The following GBP1 variants were observed in gnomAD, a reference collection of about 807,000 sequenced individuals.
GBP1 encodes guanylate binding protein 1.
A neutral mutation model predicts 69.5 loss-of-function variants in GBP1; 64 were observed. The observed-to-expected ratio is 0.92, with a 90% confidence interval of 0.75 to 1.13. The LOEUF is 1.13. GBP1 is among the 50% of genes most tolerant of loss of function. The pLI is 0.00. For synonymous variants in GBP1, 250 were observed against 261.2 expected, an observed-to-expected ratio of 0.96 and a Z score of 0.41; for missense variants, 630 against 704.1, an observed-to-expected ratio of 0.89 and a Z score of 1.19.
At chr1:89,059,183 T>C (rs1680118846) in intron 4 of GBP1, 134 bp downstream of exon 4, 1 of 1,590,444 alleles carries the variant, frequency 6.3e-7, no homozygotes. Flanking sequence ...ACATGGGATC[T>C]CTCCTCTGTA....
At position 89,055,183 on chromosome 1, in the gene GBP1, G is replaced by A. The variant is rs1680012897; in HGVS notation, c.1401C>T (p.Ser467=). 6 of 1,611,968 alleles carry A rather than the reference G, an allele frequency of 3.7e-6. No homozygotes were observed. Among genetic ancestry groups the A allele is most frequent in the Non-Finnish European group, 4.2e-6 (5 of 1,179,514 alleles). The part of the protein sequence containing the change: ...AEEILQTYLK[S]KESMTDAILQ... ...GAATTGCATCAGTCATAGACTCCTT[G>A]GATTTCAAGTATGTCTGCAGAATCT... The change falls in exon 9 of 11, where the codon TCC becomes TCT. Residue 467 remains serine (S), a synonymous_variant. Coordinates refer to ENST00000370473, the MANE Select transcript of GBP1 (RefSeq NM_002053.3).
intron 6 of GBP1, 93 bp downstream of exon 6, chr1:89,057,899 G>T: frequency 7.7e-7 from 1 of 1,306,282 alleles, no homozygotes; most frequent in Non-Finnish European, 1.1e-6. Flanking sequence ...TATAGCAGTA[G>T]ATTGGGATTT....
intron 10 of GBP1, 80 bp downstream of exon 10, chr1:89,054,602 T>C: frequency 7.7e-7 from 1 of 1,296,792 alleles, no homozygotes; most frequent in Admixed American, 1.9e-5. Context: ...TCATGTTCTC[T>C]CTGCCACACT....
intron 2 of GBP1, among the ~76,000 whole-genome samples, 163 bp from the exon 3 acceptor site, chr1:89,060,487 A>G (rs1365441972): frequency 1.3e-5 from 2 of 152,244 alleles, no homozygotes; most frequent in Non-Finnish European, 2.9e-5. Context: ...TGAATATCCA[A>G]TGCATGGAAA....
In GBP1 at chr1:89,063,248, CCTTGT is replaced by C. The variant is rs1680249311; in HGVS notation, c.-19_-15del. 6.2e-7 allele frequency: 1 copy of C among 1,611,432 alleles called. No individual in the cohort carries two copies. On this transcript the variant is annotated splice_region_variant and 5_prime_UTR_variant, in exon 2 of 11. Transcript: ENST00000370473. ...CTCTGATGCCATGTCCAGGCTGTTC[CCTTGT>C]CTGCAAGAGAAGAGGTGAAATACAT...
intron 10 of GBP1, among the ~76,000 whole-genome samples, chr1:89,054,357 C>A (rs1391162242): frequency 6.6e-6 from 1 of 152,182 alleles, no homozygotes; most frequent in African/African-American, 2.4e-5. Context: ...GCCTTGGCCT[C>A]CCAGAGTGCT....
Position 89,057,137 on chromosome 1 carries a change from G to A in GBP1, c.875-3C>T, listed in dbSNP as rs1416355815. The A allele has an allele frequency of 3.7e-6, 6 of 1,613,682 alleles. No individual in the cohort carries two copies. Among genetic ancestry groups the A allele is most frequent in the Non-Finnish European group, 5.1e-6 (6 of 1,179,726 alleles). Reference sequence around the variant, plus strand: ...GGTCAGCACCAGGCTCTCTAGACCTGCATATGAAGAACAAATGATAATGTT... The same window carrying A: ...GGTCAGCACCAGGCTCTCTAGACCTACATATGAAGAACAAATGATAATGTT... On this transcript the variant is annotated splice_region_variant and splice_polypyrimidine_tract_variant and intron_variant, in intron 6 of 10. Transcript: ENST00000370473.
intron 10 of GBP1, 23 bp from the exon 11 acceptor site, chr1:89,053,491 T>G: frequency 6.2e-7 from 1 of 1,609,896 alleles, no homozygotes; most frequent in South Asian, 1.1e-5. Context: ...AAACGAAGGC[T>G]GAGTAAAGTG....
intron 2 of GBP1, among the ~76,000 whole-genome samples, chr1:89,061,085 C>T (rs1680185561): frequency 6.6e-6 from 1 of 152,148 alleles, no homozygotes. Context: ...GATTGGAAGA[C>T]TTAATATTCT....
chr1:89,053,410 T>C lies in GBP1; in HGVS notation c.1724A>G (p.Glu575Gly), dbSNP rs1250159495. Residue 575 changes from glutamate (E) to glycine (G), a missense_variant, in exon 11 of 11, where the codon GAG becomes GGG. Physicochemically the swap from Glu to Gly is moderately conservative, Grantham distance 98 (BLOSUM62 -2). Transcript: ENST00000370473. ...FQKESRIMKN[E>G]IQDLQTKMRR... ...CATTTTCGTCTGGAGATCCTGTATC[T>C]CATTTTTCATTATTCTGCTTTCTTT... 1 of 1,613,814 alleles carries C rather than the reference T, an allele frequency of 6.2e-7. No homozygotes were observed. The highest frequency in any genetic ancestry group is 8.5e-7 in the Non-Finnish European group (1 of 1,180,020).
chr1:89,053,612 A>G (rs371128477), intron 10 of GBP1, 144 bp from the exon 11 acceptor site: 1 of 1,280,062 alleles, frequency 7.8e-7, no homozygotes. Flanking sequence ...CCTATCATTG[A>G]CCAAAGCACA....
chr1:89,062,243 A>G (rs1218695925), intron 2 of GBP1, among the ~76,000 whole-genome samples: 1 of 152,246 alleles, frequency 6.6e-6, no homozygotes, highest in African/African-American at 2.4e-5. Flanking sequence ...TTTATAATAG[A>G]CAAAAGGTGG....
At chr1:89,057,424 A>G (rs1570937416) in intron 6 of GBP1, among the ~76,000 whole-genome samples, 1 of 152,258 alleles carries the variant, frequency 6.6e-6, no homozygotes. Context: ...TTTTAACCCC[A>G]ACCAACATTA....
rs1199206351 is a variant in GBP1 at position 89,059,221 on chromosome 1, T to C, written c.428+96A>G. On this transcript the variant is annotated intron_variant, in intron 4 of 10. Transcript: ENST00000370473. Reference sequence around the variant, plus strand: ...TGCATTATTTTTTGTTTTCTCCTTTTGAGCTTGATTCATCAGGATTCACAG... The same window carrying C: ...TGCATTATTTTTTGTTTTCTCCTTTCGAGCTTGATTCATCAGGATTCACAG... 3 of 1,612,484 alleles carry C rather than the reference T, an allele frequency of 1.9e-6. No homozygotes were observed. The African/African-American group carries it at 4.0e-5, about 22-fold the overall frequency.
intron 10 of GBP1, among the ~76,000 whole-genome samples, chr1:89,054,086 A>G (rs1679983687): frequency 6.6e-6 from 1 of 152,112 alleles, no homozygotes; most frequent in African/African-American, 2.4e-5. Context: ...TTCTTGCTAC[A>G]TATGTTATTA....
intron 2 of GBP1, among the ~76,000 whole-genome samples, chr1:89,061,040 G>A (rs1284855202): frequency 6.6e-6 from 1 of 152,176 alleles, no homozygotes; most frequent in Non-Finnish European, 1.5e-5. Flanking sequence ...AATTATAGAT[G>A]ACATAAGTTA....
chr1:89,062,719 C>A, intron 2 of GBP1: 1 of 214,550 alleles, frequency 4.7e-6, no homozygotes, highest in Non-Finnish European at 9.4e-6. Context: ...TCACTGTGAA[C>A]TCTGTTATTG....
intron 8 of GBP1, 111 bp from the exon 9 acceptor site, chr1:89,055,326 T>G: frequency 6.5e-7 from 1 of 1,527,278 alleles, no homozygotes; most frequent in South Asian, 1.3e-5. Context: ...CTTGGCCCTA[T>G]TGTCCTTGGT....
At chr1:89,060,818 C>A (rs1299234758) in intron 2 of GBP1, among the ~76,000 whole-genome samples, 1 of 152,182 alleles carries the variant, frequency 6.6e-6, no homozygotes, top group East Asian at 1.9e-4. Context: ...TTAACTATCC[C>A]ACAAAAAACT....
Sources: gnomAD v4.1 joint callset for allele counts (sites outside exome capture counted in the v4.1 genomes callset) on GRCh38, gnomAD v4.1.1 for gene constraint, MANE v1.5 for transcripts, NCBI Gene and HGNC (gene_info 2026-07-23, HGNC 2026-07-21) for gene names.